The following EEF2 variants were observed in gnomAD, a reference collection of about 807,000 sequenced individuals.
EEF2 encodes the protein elongation factor 2.
Under a neutral mutation model 85.3 loss-of-function variants are expected in EEF2, and 21 were observed. The observed-to-expected ratio is 0.25, with a 90% CI of 0.17 to 0.35. The LOEUF (loss-of-function observed/expected upper bound fraction) is 0.35. EEF2 is among the 10% of genes least tolerant of loss of function. EEF2 has a pLI of 1.00. For missense variants in EEF2, 825 were observed against 1,225.3 expected, an observed-to-expected ratio of 0.67 and a Z score of 4.88; for synonymous variants, 723 against 508.8, an observed-to-expected ratio of 1.42 and a Z score of -5.67.
chr19:3,981,191 T>C (rs1330574435), intron 7 of EEF2, 148 bp downstream of exon 7: 3 of 1,036,252 alleles, frequency 2.9e-6, no homozygotes, highest in Non-Finnish European at 4.2e-6. Context: ...CTGGGATGTG[T>C]CTCCAGCAGC....
rs926371830 is a variant in EEF2 at position 3,978,206 on chromosome 19, G to C, written c.1714-34C>G. 4.9e-6 allele frequency: 7 copies of C among 1,429,368 alleles called. No homozygotes were observed. In the African/African-American group the frequency reaches 8.6e-5, roughly 18 times the overall value. 88.5% of individuals were successfully genotyped at this position (1,429,368 alleles called of 1,614,324 possible). A position where few individuals can be genotyped will look rare whatever the true frequency, so the allele number is the denominator to read the frequency against. Reference sequence around the variant, plus strand: ...AGAGGTTAAGTCCCACTCTTGCCTGGAGAAAGAGGTGACCTTACACACAGA... The same window carrying C: ...AGAGGTTAAGTCCCACTCTTGCCTGCAGAAAGAGGTGACCTTACACACAGA... On this transcript the variant is annotated intron_variant, in intron 11 of 14. Transcript: ENST00000309311.
intron 6 of EEF2, 31 bp from the exon 7 acceptor site, chr19:3,981,483 C>G: frequency 6.3e-7 from 1 of 1,594,646 alleles, no homozygotes; most frequent in Non-Finnish European, 8.6e-7. Context: ...CAAGAAAGCC[C>G]ATTTGGGAAC....
At position 3,985,457 on chromosome 19, in the gene EEF2, G is replaced by T; in HGVS notation, c.-77C>A. On this transcript the variant is annotated 5_prime_UTR_variant, in exon 1 of 15. Coordinates refer to ENST00000309311, the MANE Select transcript of EEF2 (RefSeq NM_001961.4). ...CGCCGAGGATGGCGGCGACGACGGC[G>T]GAAGAGAACGCTGACGTCAACACTC... The T allele has an allele frequency of 7.2e-7, 1 of 1,396,290 alleles. No individual in the cohort carries two copies. 86.5% of individuals were successfully genotyped at this position (1,396,290 alleles called of 1,614,324 possible). A position where few individuals can be genotyped will look rare whatever the true frequency, so the allele number is the denominator to read the frequency against.
At chr19:3,983,471 G>A (rs2039780725) in intron 2 of EEF2, among the ~76,000 whole-genome samples, 180 bp from the exon 3 acceptor site, 1 of 151,924 alleles carries the variant, frequency 6.6e-6, no homozygotes, top group Admixed American at 6.6e-5. Context: ...CCCATGACAG[G>A]GAACTCCTGG....
chr19:3,977,902 G>A lies in EEF2; in HGVS notation c.1984C>T (p.Leu662Phe). The A allele has an allele frequency of 6.2e-7, 1 of 1,613,732 alleles. No individual in the cohort carries two copies. The highest frequency in any genetic ancestry group is 8.5e-7 in the Non-Finnish European group (1 of 1,179,962). ...TGCACACCCTTGGTGATGTCGGTGA[G>A]GATGTTGGGGCCGGTGCCGTCGGGC... Reference protein sequence around the residue: ...FGPDGTGPNILTDITKGVQYL... With the variant: ...FGPDGTGPNIFTDITKGVQYL... Residue 662 changes from leucine to phenylalanine, a missense_variant, in exon 12 of 15, where the codon CTC becomes TTC. Coordinates refer to ENST00000309311, the MANE Select transcript of EEF2 (RefSeq NM_001961.4). This position sits in a 1 kb window ranked among gnomAD's most constrained non-coding sequence, Gnocchi z 5.4.
chr19:3,983,814 C>A, intron 2 of EEF2: 1 of 422,038 alleles, frequency 2.4e-6, no homozygotes, highest in Non-Finnish European at 4.4e-6. Flanking sequence ...TTCCCAGCGT[C>A]CCAAGCACTA....
rs1372759528 is a variant in EEF2, at chr19:3,985,413, A to G, written c.-33T>C. 2 of 1,488,360 alleles carry G rather than the reference A, an allele frequency of 1.3e-6. No homozygotes were observed. The highest frequency in any genetic ancestry group is 1.8e-6 in the Non-Finnish European group (2 of 1,113,076). 92.2% of individuals were successfully genotyped at this position (1,488,360 alleles called of 1,614,324 possible). On this transcript the variant is annotated 5_prime_UTR_variant, in exon 1 of 15. Transcript: ENST00000309311. ...GATGGCGGTGGATTCTCCCAGGTAG[A>G]ACCGAAAGAAGCGAGTCGCGCCGAG...
intron 5 of EEF2, 44 bp downstream of exon 5, chr19:3,982,202 C>T: frequency 1.9e-6 from 3 of 1,608,866 alleles, no homozygotes; most frequent in Non-Finnish European, 2.6e-6. Context: ...GCTGCCACTA[C>T]CCCCAGGTGT....
At chr19:3,983,808 C>G in intron 2 of EEF2, 1 of 407,454 alleles carries the variant, frequency 2.5e-6, no homozygotes, top group Non-Finnish European at 4.6e-6. Context: ...AGGAGCTTCC[C>G]AGCGTCCCAA....
chr19:3,985,257 G>T, intron 1 of EEF2, 121 bp downstream of exon 1: 1 of 1,161,016 alleles, frequency 8.6e-7, no homozygotes, highest in African/African-American at 1.6e-5. Flanking sequence ...CGGGTCCTCC[G>T]GCCCCGCCGC....
At chr19:3,978,572 G>A (rs936816666) in intron 11 of EEF2, among the ~76,000 whole-genome samples, 8 of 152,012 alleles carry the variant, frequency 5.3e-5, no homozygotes, top group South Asian at 2.1e-4. Context: ...TTGGGAGGCC[G>A]AGGCGGGTGG....
intron 7 of EEF2, 39 bp from the exon 8 acceptor site, chr19:3,981,018 G>T: frequency 1.9e-6 from 3 of 1,545,706 alleles, no homozygotes; most frequent in East Asian, 2.4e-5. Context: ...CACCTGGGGA[G>T]CCCAGGATGG....
At position 3,984,276 on chromosome 19, in the gene EEF2, G is replaced by C. The variant is rs147115517; in HGVS notation, c.78C>G (p.Ala26=). ...KANIRNMSVI[A]HVDHGKSTLT... Reference sequence around the variant, plus strand: ...GCGTGGACTTGCCATGGTCCACGTGGGCGATGACAGACATGTTGCGGATGT... The same window carrying C: ...GCGTGGACTTGCCATGGTCCACGTGCGCGATGACAGACATGTTGCGGATGT... The change falls in exon 2 of 15, where the codon GCC becomes GCG. Residue 26 remains alanine, a synonymous_variant. Transcript: ENST00000309311. 6.2e-7 allele frequency: 1 copy of C among 1,614,218 alleles called. No individual in the cohort carries two copies. Among genetic ancestry groups the C allele is most frequent in the South Asian group, 1.1e-5 (1 of 91,088 alleles).
At chr19:3,979,502 G>C in intron 10 of EEF2, 66 bp from the exon 11 acceptor site, 1 of 1,420,202 alleles carries the variant, frequency 7.0e-7, no homozygotes, top group South Asian at 1.2e-5. Context: ...CAGGCTCCCA[G>C]CTTCCCTTTA....
chr19:3,984,522 A>C (rs1326563769), intron 1 of EEF2, among the ~76,000 whole-genome samples, 172 bp from the exon 2 acceptor site: 1 of 152,202 alleles, frequency 6.6e-6, no homozygotes, highest in Non-Finnish European at 1.5e-5. Flanking sequence ...GCCACCCCGC[A>C]ATCTCCAAGG....
At chr19:3,979,298 G>T (rs1407239634) in intron 11 of EEF2, 31 bp downstream of exon 11, 1 of 1,573,960 alleles carries the variant, frequency 6.4e-7, no homozygotes, top group Non-Finnish European at 8.7e-7. Context: ...CCGGGGTGGG[G>T]CGTGGGGAAG....
Position 3,977,608 on chromosome 19 carries a change from G to A in EEF2, c.2070C>T (p.Gly690=), listed in dbSNP as rs748319866. The change falls in exon 13 of 15, where the codon GGC becomes GGT. Residue 690 remains glycine (G), a splice_region_variant and synonymous_variant. Transcript: ENST00000309311. This position sits in a 1 kb window ranked among gnomAD's most constrained non-coding sequence, Gnocchi z 5.4. ...CCCGCATGTTCTCCTCACACAGTGC[G>A]CCCTGGGGGAGGGGGAGAGCCACCG... is the stretch of plus-strand genomic sequence containing the variant. ...VAGFQWATKE[G]ALCEENMRGV... 18 of 1,512,120 alleles carry A rather than the reference G, an allele frequency of 1.2e-5. No individual in the cohort carries two copies. Among genetic ancestry groups the A allele is most frequent in the African/African-American group, 4.1e-5 (3 of 72,532 alleles). 93.7% of individuals were successfully genotyped at this position (1,512,120 alleles called of 1,614,324 possible).
chr19:3,979,269 T>C, intron 11 of EEF2, 60 bp downstream of exon 11: 2 of 1,392,426 alleles, frequency 1.4e-6, no homozygotes, highest in Admixed American at 1.7e-5. Context: ...AGCTCAGCTT[T>C]AAAGCAGAGG....
At chr19:3,976,802 G>A (rs754269113) in intron 14 of EEF2, 55 bp from the exon 15 acceptor site, 102 of 1,461,844 alleles carry the variant, frequency 7.0e-5, no homozygotes, top group South Asian at 7.0e-4. Context: ...CAGGGCAGAA[G>A]GAAAGTCCTG....
Sources: allele counts gnomAD v4.1 joint callset (sites outside exome capture counted in the v4.1 genomes callset), GRCh38; gene constraint gnomAD v4.1.1; non-coding constraint Gnocchi (gnomAD v3.1); transcripts MANE v1.5; gene names NCBI Gene and HGNC (gene_info 2026-07-23, HGNC 2026-07-21).